SI: variants seen among roughly 807,000 people sequenced by gnomAD.
SI encodes the protein sucrase-isomaltase, intestinal.
A neutral mutation model predicts 253.3 loss-of-function variants in SI; 235 were observed. The observed-to-expected ratio is 0.93, with a 90% confidence interval of 0.83 to 1.03. The LOEUF is 1.03. Ranked by LOEUF, SI falls within the 50% of genes least tolerant of loss-of-function variation. The pLI is 0.00. For synonymous variants in SI, 819 were observed against 712.0 expected, an observed-to-expected ratio of 1.15 and a Z score of -2.39; for missense variants, 2,442 against 2,211.1, an observed-to-expected ratio of 1.10 and a Z score of -2.09.
chr3:165,065,132 A>G (rs778518966), intron 7 of SI, 129 bp downstream of exon 7: 1 of 639,880 alleles, frequency 1.6e-6, no homozygotes, highest in South Asian at 2.0e-5. Context: ...ACAAGCTTCT[A>G]TATTGGTATC....
In SI at chr3:165,049,979, AT is replaced by A. The variant is rs1713344447; in HGVS notation, c.1513-105del. 5 of 731,152 alleles carry A rather than the reference AT, an allele frequency of 6.8e-6. No individual in the cohort carries two copies. The Admixed American group carries it at 1.0e-4, about 15-fold the overall frequency. 45.3% of individuals were successfully genotyped at this position (731,152 alleles called of 1,614,324 possible). ...AAATGTTTTATATAAGATAACCATA[AT>A]GCTCGTTAATTCCTAGAAGATAAAT... On this transcript the variant is annotated intron_variant, in intron 13 of 47. Transcript: ENST00000264382.
chr3:165,063,816 A>AT (rs1714093801), intron 7 of SI, among the ~76,000 whole-genome samples: 2 of 150,722 alleles, frequency 1.3e-5, no homozygotes, highest in South Asian at 4.1e-4. Context: ...TTTTAATTAC[A>AT]TTAATTTTAA....
At chr3:165,072,189 A>G (rs969104998) in intron 3 of SI, among the ~76,000 whole-genome samples, 2 of 152,056 alleles carry the variant, frequency 1.3e-5, no homozygotes, top group African/African-American at 4.8e-5. Context: ...TTAGAAAATC[A>G]TTACTTTAAC....
At chr3:165,079,499 C>T (rs1204604624), upstream of SI, among the ~76,000 whole-genome samples, 4 of 151,484 alleles carry the variant, frequency 2.6e-5, no homozygotes, top group Non-Finnish European at 5.9e-5. Flanking sequence ...TTGTAAGACT[C>T]AGTAGCTATA....
intron 19 of SI, 124 bp from the exon 20 acceptor site, chr3:165,039,258 C>A: frequency 1.6e-6 from 1 of 643,496 alleles, no homozygotes; most frequent in Non-Finnish European, 2.8e-6. Flanking sequence ...CCAATATTTC[C>A]TATAGATAAT....
At chr3:165,062,139 G>A (rs966399887) in intron 9 of SI, among the ~76,000 whole-genome samples, 5 of 151,746 alleles carry the variant, frequency 3.3e-5, no homozygotes, top group Admixed American at 2.0e-4. Context: ...GAACTCAGCT[G>A]CCTAGAGGTA....
intron 3 of SI, 62 bp downstream of exon 3, chr3:165,074,469 C>A: frequency 9.7e-7 from 1 of 1,030,000 alleles, no homozygotes. Flanking sequence ...CAATATTCAG[C>A]AATTATCTTA....
chr3:165,079,745 A>T (rs1024759967), upstream of SI, among the ~76,000 whole-genome samples: 1 of 151,802 alleles, frequency 6.6e-6, no homozygotes, highest in African/African-American at 2.4e-5. Context: ...GTCAATCATG[A>T]TCCTACCTAA....
intron 40 of SI, 39 bp downstream of exon 40, chr3:164,996,496 A>G: frequency 9.3e-7 from 1 of 1,072,634 alleles, no homozygotes; most frequent in Non-Finnish European, 1.5e-6. Context: ...GCATAGCCCA[A>G]GTAAGAAAAT....
At chr3:165,088,733 C>T in the SI span, among the ~76,000 whole-genome samples, 2 of 151,306 alleles carry the variant, frequency 1.3e-5, no homozygotes, top group East Asian at 1.9e-4. Flanking sequence ...ATTCAGAACC[C>T]GAACTGAATA....
intron 25 of SI, among the ~76,000 whole-genome samples, chr3:165,024,313 A>G (rs376469562): frequency 2.0e-5 from 3 of 151,384 alleles, no homozygotes; most frequent in Admixed American, 6.6e-5. Flanking sequence ...TTGGTTTAAC[A>G]TAGAAGTGAG....
At chr3:165,038,378 A>C (rs988597236) in intron 20 of SI, among the ~76,000 whole-genome samples, 1 of 151,940 alleles carries the variant, frequency 6.6e-6, no homozygotes, top group Middle Eastern at 3.2e-3. Context: ...GGGTATACTT[A>C]GCCAATATAA....
chr3:165,018,628 A>C, intron 28 of SI, among the ~76,000 whole-genome samples: 1 of 151,216 alleles, frequency 6.6e-6, no homozygotes, highest in East Asian at 1.9e-4. Flanking sequence ...ATTAGATTAT[A>C]TACTTTTGAT....
chr3:165,000,768 G>A (rs1436325199), intron 37 of SI, among the ~76,000 whole-genome samples: 2 of 151,234 alleles, frequency 1.3e-5, no homozygotes, highest in African/African-American at 4.8e-5. Context: ...TTTACAAATT[G>A]TTCAGTCACA....
rs1276599797 is a variant in SI at position 164,998,448 on chromosome 3, G to C, written c.4540+92C>G. The C allele has an allele frequency of 2.2e-6, 3 of 1,347,778 alleles. No homozygotes were observed. In the East Asian group the frequency reaches 7.0e-5, roughly 31 times the overall value. The allele number at this position is 1,347,778 out of a possible 1,614,324, so 83.5% of individuals were successfully genotyped here. ...AGTACGATGTGAAGAACAAAATTCT[G>C]AGGACTTATAAATGTTATGACCTAG... On this transcript the variant is annotated intron_variant, in intron 38 of 47. Transcript: ENST00000264382.
intron 10 of SI, 105 bp downstream of exon 10, chr3:165,059,797 T>G: frequency 1.2e-5 from 14 of 1,150,914 alleles, no homozygotes; most frequent in Middle Eastern, 2.3e-4. Flanking sequence ...CTTAATTATA[T>G]GATATAATGT....
At position 165,040,023 on chromosome 3, in the gene SI, C is replaced by T. The variant is rs1712735355; in HGVS notation, c.2160-52G>A. ...ATAATAATGAAAAAATAAGTTTATC[C>T]AAATTCCTGGTTCAGTTTATCTTTT... On this transcript the variant is annotated intron_variant, in intron 18 of 47. Transcript: ENST00000264382. The T allele has an allele frequency of 3.6e-6, 5 of 1,390,110 alleles. No individual in the cohort carries two copies. The South Asian group carries it at 5.8e-5, about 16-fold the overall frequency. The allele number at this position is 1,390,110 out of a possible 1,614,324, so 86.1% of individuals were successfully genotyped here.
chr3:165,023,850 C>CTAAACGTCA, intron 25 of SI, 74 bp from the exon 26 acceptor site: 1 of 976,820 alleles, frequency 1.0e-6, no homozygotes, highest in Non-Finnish European at 1.6e-6. Flanking sequence ...ATTATACTGA[C>CTAAACGTCA]GTTTAGTCAC....
rs765173766 is a variant in SI, at chr3:164,982,362, C to T, written c.5296G>A (p.Glu1766Lys). The change falls in exon 47 of 48, where the codon GAA becomes AAA. Residue 1766 changes from glutamate to lysine, a missense_variant. By Grantham distance (56) the Glu-to-Lys change is moderately conservative (BLOSUM62 1). Coordinates refer to ENST00000264382, the MANE Select transcript of SI (RefSeq NM_001041.4). ...ILKRGYINKS[E>K]TRLGSLHVWG... is the part of the protein sequence containing the mutation. Reference sequence around the variant, plus strand: ...ACATGAAGGGATCCAAGCCTCGTTTCACTTTTATTTATGTAACCTCTCTTC... The same window carrying T: ...ACATGAAGGGATCCAAGCCTCGTTTTACTTTTATTTATGTAACCTCTCTTC... The T allele has an allele frequency of 6.2e-7, 1 of 1,612,660 alleles. No individual in the cohort carries two copies. Among genetic ancestry groups the T allele is most frequent in the South Asian group, 1.1e-5 (1 of 91,042 alleles).
Sources: gnomAD v4.1 joint callset for allele counts (sites outside exome capture counted in the v4.1 genomes callset) on GRCh38, gnomAD v4.1.1 for gene constraint, MANE v1.5 for transcripts, NCBI Gene and HGNC (gene_info 2026-07-23, HGNC 2026-07-21) for gene names.